Variants in TLL1 observed in about 807,000 individuals in gnomAD.
The protein encoded by TLL1 is tolloid-like protein 1.
A neutral mutation model predicts 128.2 loss-of-function variants in TLL1; 49 were observed. The observed-to-expected ratio is 0.38, with a 90% CI of 0.30 to 0.48. The LOEUF (loss-of-function observed/expected upper bound fraction) is 0.48, where lower values mean the gene tolerates loss of function less well. Ranked by LOEUF, TLL1 falls within the 20% of genes least tolerant of loss-of-function variation. TLL1 has a pLI of 0.96. For synonymous variants in TLL1, 454 were observed against 418.8 expected, an observed-to-expected ratio of 1.08 and a Z score of -1.03; for missense variants, 1,123 against 1,242.0, an observed-to-expected ratio of 0.90 and a Z score of 1.44.
At chr4:165,986,574 G>A (rs1736402841) in intron 1 of TLL1, among the ~76,000 whole-genome samples, 1 of 152,004 alleles carries the variant, frequency 6.6e-6, no homozygotes, top group South Asian at 2.1e-4. Context: ...AATTTATGGT[G>A]TATTCATCAC....
At chr4:166,093,423 T>A (rs1741871395) in intron 19 of TLL1, among the ~76,000 whole-genome samples, 1 of 152,166 alleles carries the variant, frequency 6.6e-6, no homozygotes, top group South Asian at 2.1e-4. Flanking sequence ...CGCCCAAACA[T>A]CTCAGTGGAG....
chr4:166,057,043 A>T (rs771459307), intron 13 of TLL1, 141 bp from the exon 14 acceptor site: 18 of 857,824 alleles, frequency 2.1e-5, no homozygotes, highest in Non-Finnish European at 3.2e-5. Flanking sequence ...GTTACCTCTC[A>T]CCAGGTCCCT....
At chr4:165,972,743 A>G (rs536328489) in intron 1 of TLL1, among the ~76,000 whole-genome samples, 3 of 152,280 alleles carry the variant, frequency 2.0e-5, no homozygotes, top group South Asian at 2.1e-4. Context: ...TACCCTATCT[A>G]TCTTTTCAGG....
At chr4:166,026,630 C>A (rs747247494) in intron 9 of TLL1, among the ~76,000 whole-genome samples, 1 of 151,746 alleles carries the variant, frequency 6.6e-6, no homozygotes, top group Non-Finnish European at 1.5e-5. Flanking sequence ...GAGGTTGCGG[C>A]GAGCCGAGAT....
intron 14 of TLL1, among the ~76,000 whole-genome samples, chr4:166,059,707 A>C (rs1198948218): frequency 6.6e-6 from 1 of 152,126 alleles, no homozygotes; most frequent in Non-Finnish European, 1.5e-5. Context: ...ATATTATTAG[A>C]CCAACTCTAA....
At chr4:166,027,486 T>C (rs1738561252) in intron 9 of TLL1, among the ~76,000 whole-genome samples, 2 of 152,328 alleles carry the variant, frequency 1.3e-5, no homozygotes, top group African/African-American at 2.4e-5. Context: ...GAAATACTCA[T>C]GTAACATAAA....
At chr4:165,930,531 A>G (rs1733470003) in intron 1 of TLL1, among the ~76,000 whole-genome samples, 2 of 152,182 alleles carry the variant, frequency 1.3e-5, no homozygotes, top group South Asian at 4.1e-4. Flanking sequence ...CTTTTGTGCC[A>G]CAAAGGCAGA....
rs376621735 is a variant in TLL1, at chr4:165,981,049, C to T, written c.170-8332C>T. 3.1e-4 allele frequency among the ~76,000 whole-genome samples: 47 copies of T among 152,078 alleles called. No homozygotes were observed. In the South Asian group the frequency reaches 9.5e-3, roughly 31 times the overall value. On this transcript the variant is annotated intron_variant, in intron 1 of 20. Transcript: ENST00000061240. ...AATTTTAGGCCCAATTGGTGAACTA[C>T]TGTATTTCTAAAATTTTGCACATGA...
intron 8 of TLL1, among the ~76,000 whole-genome samples, chr4:166,024,418 G>C (rs1738394664): frequency 6.6e-6 from 1 of 152,136 alleles, no homozygotes; most frequent in Admixed American, 6.5e-5. Context: ...TCAGAGGGAA[G>C]GAACTGTTCT....
chr4:166,049,699 AATAAG>A (rs1212949650), intron 12 of TLL1, among the ~76,000 whole-genome samples: 11 of 150,554 alleles, frequency 7.3e-5, no homozygotes, highest in Non-Finnish European at 1.5e-4. Context: ...TTATTAAATA[AATAAG>A]ATAATATAAT....
chr4:165,877,393 ATCTG>A lies in TLL1; in HGVS notation c.169+3328_169+3331del, dbSNP rs560937063. Among the ~76,000 whole-genome samples, 372 of 152,374 alleles carry A rather than the reference ATCTG, an allele frequency of 2.4e-3. 3 individuals are homozygous for A. Among genetic ancestry groups the A allele is most frequent in the South Asian group, 0.013 (63 of 4,832 alleles). On this transcript the variant is annotated intron_variant, in intron 1 of 20. Coordinates refer to ENST00000061240, the MANE Select transcript of TLL1 (RefSeq NM_012464.5). Reference sequence around the variant, plus strand: ...AAAGATACAGATAATTCAAATGAATATCTGTCTGTCTTTCATCAGTGCAGTACAC... The same window carrying A: ...AAAGATACAGATAATTCAAATGAATATCTGTCTTTCATCAGTGCAGTACAC...
chr4:166,037,579 T>G (rs1422698903), intron 9 of TLL1, among the ~76,000 whole-genome samples: 1 of 152,086 alleles, frequency 6.6e-6, no homozygotes, highest in Non-Finnish European at 1.5e-5. Context: ...AGGCTGAGGC[T>G]GGTGGATCAC....
intron 1 of TLL1, among the ~76,000 whole-genome samples, chr4:165,966,437 T>G (rs908478057): frequency 1.3e-5 from 2 of 151,502 alleles, no homozygotes; most frequent in African/African-American, 4.9e-5. Context: ...CAGGTTAGGC[T>G]CAGGAATCAA....
intron 1 of TLL1, among the ~76,000 whole-genome samples, chr4:165,901,447 G>A (rs1227535751): frequency 6.6e-6 from 1 of 152,174 alleles, no homozygotes; most frequent in South Asian, 2.1e-4. Flanking sequence ...CATTTTGGTT[G>A]ATGCTCATGC....
intron 1 of TLL1, among the ~76,000 whole-genome samples, chr4:165,947,413 G>T (rs1293718113): frequency 6.6e-6 from 1 of 151,992 alleles, no homozygotes; most frequent in Non-Finnish European, 1.5e-5. Context: ...CGTAACACCT[G>T]GCTTCTTCTT....
chr4:165,987,878 A>T (rs1051089332), intron 1 of TLL1, among the ~76,000 whole-genome samples: 4 of 152,114 alleles, frequency 2.6e-5, no homozygotes, highest in Non-Finnish European at 5.9e-5. Context: ...TTTAAATCCA[A>T]TGAAAGACAG....
chr4:166,056,857 G>A (rs575955417), intron 13 of TLL1, among the ~76,000 whole-genome samples: 33 of 152,088 alleles, frequency 2.2e-4, no homozygotes, highest in Non-Finnish European at 4.6e-4. Flanking sequence ...ATTTGTATAC[G>A]TTATCCATCA....
chr4:165,985,413 C>T (rs923490104), intron 1 of TLL1, among the ~76,000 whole-genome samples: 5 of 151,932 alleles, frequency 3.3e-5, no homozygotes, highest in African/African-American at 1.2e-4. Context: ...GTATTTTCTC[C>T]TGAGTGGACA....
rs7656268 is a variant in TLL1, at chr4:165,962,077, G to A, written c.170-27304G>A. On this transcript the variant is annotated intron_variant, in intron 1 of 20. Transcript: ENST00000061240. ...AATAGAAACAAAAATTAACAAGTGG[G>A]ATCTAATCAAATTGAAGAGCTTCTG... 3.8e-3 allele frequency among the ~76,000 whole-genome samples: 581 copies of A among 152,200 alleles called. 3 individuals are homozygous for A. Among genetic ancestry groups the A allele is most frequent in the African/African-American group, 0.013 (560 of 41,540 alleles).
Sources: allele counts gnomAD v4.1 joint callset (sites outside exome capture counted in the v4.1 genomes callset), GRCh38; gene constraint gnomAD v4.1.1; transcripts MANE v1.5; gene names NCBI Gene and HGNC (gene_info 2026-07-23, HGNC 2026-07-21).